GLI3: variants seen among roughly 807,000 people sequenced by gnomAD.
GLI3 encodes the protein GLI family zinc finger 3, also known as transcription activator GLI3.
GLI3 carries 20 observed loss-of-function variants against 100.8 expected under a neutral mutation model. The observed-to-expected ratio is 0.20, with a 90% CI of 0.14 to 0.29. GLI3 has a LOEUF of 0.29. Ranked by LOEUF, GLI3 falls within the 10% of genes least tolerant of loss-of-function variation. The pLI is 1.00. For synonymous variants in GLI3, 938 were observed against 860.5 expected (o/e 1.09, Z -1.58); for missense variants, 2,040 against 2,128.5 (o/e 0.96, Z 0.82).
chr7:42,161,388 T>C (rs1266236408), intron 2 of GLI3, among the ~76,000 whole-genome samples: 2 of 152,176 alleles, frequency 1.3e-5, no homozygotes, highest in Non-Finnish European at 2.9e-5. Context: ...AGAAACTAAA[T>C]CGCCTGTTAA....
intron 3 of GLI3, 134 bp from the exon 4 acceptor site, chr7:42,076,991 T>A: frequency 1.4e-6 from 1 of 710,740 alleles, no homozygotes; most frequent in Non-Finnish European, 2.6e-6. Context: ...AAGAACTCTT[T>A]AAGGTTAGTT....
At chr7:42,131,448 A>T (rs1240817982) in intron 3 of GLI3, among the ~76,000 whole-genome samples, 1 of 152,252 alleles carries the variant, frequency 6.6e-6, no homozygotes, top group African/African-American at 2.4e-5. Flanking sequence ...TGCTAGACAC[A>T]TCGCCATTGG....
At chr7:42,208,612 C>G (rs948342249) in intron 2 of GLI3, among the ~76,000 whole-genome samples, 12 of 152,092 alleles carry the variant, frequency 7.9e-5, no homozygotes, top group African/African-American at 2.9e-4. Context: ...GGTTTTGTTT[C>G]TTTTTTCCAC....
chr7:42,134,068 G>A (rs186266433), intron 3 of GLI3, among the ~76,000 whole-genome samples: 2,361 of 140,794 alleles, frequency 0.017, 72 homozygotes, highest in African/African-American at 0.057. Flanking sequence ...GCAACAGAGC[G>A]AGACTCTGTC....
intron 2 of GLI3, among the ~76,000 whole-genome samples, chr7:42,166,318 A>G (rs756217279): frequency 2.6e-5 from 4 of 152,242 alleles, no homozygotes; most frequent in Non-Finnish European, 4.4e-5. Flanking sequence ...CATAGGCACT[A>G]GTGAAGTATT....
chr7:42,090,400 A>ATTAT (rs1785192156), intron 3 of GLI3, among the ~76,000 whole-genome samples: 2 of 152,206 alleles, frequency 1.3e-5, no homozygotes, highest in African/African-American at 4.8e-5. Flanking sequence ...ATCTTATGGG[A>ATTAT]CCACTGTCTT....
At chr7:42,117,180 C>T (rs1043139397) in intron 3 of GLI3, among the ~76,000 whole-genome samples, 3 of 152,070 alleles carry the variant, frequency 2.0e-5, no homozygotes, top group Admixed American at 2.0e-4. Context: ...AGATTTCACT[C>T]AATAGATTGG....
intron 2 of GLI3, among the ~76,000 whole-genome samples, chr7:42,199,607 T>C (rs921163953): frequency 6.6e-6 from 1 of 152,194 alleles, no homozygotes; most frequent in African/African-American, 2.4e-5. Flanking sequence ...TGTGCGTGTA[T>C]GTGTGTGAGC....
chr7:42,016,427 C>T (rs894907741), intron 10 of GLI3, among the ~76,000 whole-genome samples: 36 of 152,214 alleles, frequency 2.4e-4, no homozygotes, highest in African/African-American at 8.4e-4. Flanking sequence ...TGCTTTTATA[C>T]GTGACATGCA....
In GLI3 at chr7:42,148,135, GCA is replaced by G. The variant is rs34148485; in HGVS notation, c.367+89_367+90del. ...TACAAGCCAAAACTTCATAAAGCGC[GCA>G]CACACACACACACACACACACACAC... is the stretch of plus-strand genomic sequence containing the variant. On this transcript the variant is annotated intron_variant, in intron 3 of 14. Transcript: ENST00000395925. The G allele has an allele frequency of 0.14, 117,367 of 854,462 alleles. 3,361 individuals are homozygous for G. The highest frequency in any genetic ancestry group is 0.33 in the African/African-American group (18,536 of 56,040). The allele number at this position is 854,462 out of a possible 1,614,324, so 52.9% of individuals were successfully genotyped here.
intron 3 of GLI3, among the ~76,000 whole-genome samples, chr7:42,090,456 C>G (rs943337940): frequency 2.6e-5 from 4 of 152,230 alleles, no homozygotes; most frequent in African/African-American, 7.2e-5. Flanking sequence ...CAGCACATGA[C>G]TGTACCCATG....
chr7:42,083,710 G>A (rs1263865587), intron 3 of GLI3, among the ~76,000 whole-genome samples: 3 of 152,106 alleles, frequency 2.0e-5, no homozygotes, highest in Non-Finnish European at 4.4e-5. Flanking sequence ...TGTTGTCTAA[G>A]CGATAACACT....
chr7:42,152,838 G>T (rs1562760962), intron 2 of GLI3, among the ~76,000 whole-genome samples: 1 of 152,194 alleles, frequency 6.6e-6, no homozygotes, highest in Admixed American at 6.5e-5. Context: ...CCACTAGCAG[G>T]ATTGTACAGG....
chr7:42,125,101 C>T (rs1261433174), intron 3 of GLI3, among the ~76,000 whole-genome samples: 7 of 152,232 alleles, frequency 4.6e-5, no homozygotes, highest in South Asian at 2.1e-4. Flanking sequence ...TTAGTGCTAA[C>T]GGTATTGCTC....
intron 2 of GLI3, among the ~76,000 whole-genome samples, chr7:42,182,110 G>C (rs978693620): frequency 2.0e-5 from 3 of 152,164 alleles, no homozygotes; most frequent in Non-Finnish European, 4.4e-5. Flanking sequence ...CTAAGGCTAT[G>C]AGCAGCACTG....
At chr7:42,108,664 T>C (rs1785633274) in intron 3 of GLI3, among the ~76,000 whole-genome samples, 1 of 151,910 alleles carries the variant, frequency 6.6e-6, no homozygotes, top group African/African-American at 2.4e-5. Context: ...TAGGAAATAA[T>C]ACATGATTAA....
chr7:41,975,064 A>G (rs1787474331), intron 12 of GLI3, among the ~76,000 whole-genome samples: 1 of 152,184 alleles, frequency 6.6e-6, no homozygotes, highest in African/African-American at 2.4e-5. Flanking sequence ...GGGAGGTTCA[A>G]CCGAATCAGA....
At chr7:42,125,208 G>C (rs961670382) in intron 3 of GLI3, among the ~76,000 whole-genome samples, 2 of 152,174 alleles carry the variant, frequency 1.3e-5, no homozygotes, top group African/African-American at 2.4e-5. Context: ...AACTTGGAGA[G>C]GTAAGGGGAA....
At chr7:42,180,286 A>G (rs1041798552) in intron 2 of GLI3, among the ~76,000 whole-genome samples, 1 of 152,196 alleles carries the variant, frequency 6.6e-6, no homozygotes, top group African/African-American at 2.4e-5. Context: ...CAGAGGACCA[A>G]CAGTGGCCTG....
Sources: gnomAD v4.1 joint callset for allele counts (sites outside exome capture counted in the v4.1 genomes callset) on GRCh38, gnomAD v4.1.1 for gene constraint, MANE v1.5 for transcripts, NCBI Gene and HGNC (gene_info 2026-07-23, HGNC 2026-07-21) for gene names.